The following MACROD2 variants were observed in gnomAD, a reference collection of about 807,000 sequenced individuals.
The protein encoded by MACROD2 is mono-ADP ribosylhydrolase 2.
A neutral mutation model predicts 70.4 loss-of-function variants in MACROD2; 36 were observed. The ratio of observed to expected loss-of-function variants is 0.51; its 90% CI spans 0.39 to 0.68. The LOEUF is 0.68. Ranked by LOEUF, MACROD2 falls within the 30% of genes least tolerant of loss-of-function variation. The pLI, the probability that MACROD2 is intolerant of heterozygous loss-of-function variation, is 0.00. For missense variants in MACROD2, 496 were observed against 538.4 expected, an observed-to-expected ratio of 0.92 and a Z score of 0.78; for synonymous variants, 172 against 178.8, an observed-to-expected ratio of 0.96 and a Z score of 0.30.
intron 4 of MACROD2, among the ~76,000 whole-genome samples, chr20:14,499,477 G>A (rs2084892600): frequency 6.6e-6 from 1 of 152,004 alleles, no homozygotes; most frequent in African/African-American, 2.4e-5. Flanking sequence ...AGGCTGCAGT[G>A]AGCCGTGATC....
chr20:14,699,577 G>A (rs1217147150), intron 5 of MACROD2, among the ~76,000 whole-genome samples: 1 of 152,166 alleles, frequency 6.6e-6, no homozygotes, highest in African/African-American at 2.4e-5. Flanking sequence ...TAGTCAGGGA[G>A]ATAATATTAA....
At chr20:15,543,446 C>T (rs2047984741) in intron 8 of MACROD2, among the ~76,000 whole-genome samples, 1 of 152,192 alleles carries the variant, frequency 6.6e-6, no homozygotes, top group African/African-American at 2.4e-5. Flanking sequence ...ATCAAGGTTT[C>T]AGTGCCACAA....
At chr20:15,650,883 T>C (rs1298888061) in intron 8 of MACROD2, among the ~76,000 whole-genome samples, 1 of 152,194 alleles carries the variant, frequency 6.6e-6, no homozygotes, top group Admixed American at 6.6e-5. Flanking sequence ...TTATTGACCA[T>C]GTTGGTGTCA....
At chr20:14,317,659 A>T (rs1047272795) in intron 3 of MACROD2, among the ~76,000 whole-genome samples, 1 of 151,326 alleles carries the variant, frequency 6.6e-6, no homozygotes, top group Non-Finnish European at 1.5e-5. Flanking sequence ...TCCTCCCCCA[A>T]CCATAATCTT....
chr20:14,110,106 A>G (rs2054428648), intron 3 of MACROD2, among the ~76,000 whole-genome samples: 1 of 152,020 alleles, frequency 6.6e-6, no homozygotes, highest in East Asian at 1.9e-4. Flanking sequence ...CATTATATCT[A>G]TGGAATGAAA....
intron 15 of MACROD2, among the ~76,000 whole-genome samples, chr20:16,019,510 C>CTT (rs897513541): frequency 5.3e-5 from 8 of 152,176 alleles, no homozygotes; most frequent in African/African-American, 1.7e-4. Flanking sequence ...ACTTTCCTTG[C>CTT]TTGCTTCATA....
At chr20:16,049,223 T>A (rs1045612500) in intron 17 of MACROD2, among the ~76,000 whole-genome samples, 6 of 152,142 alleles carry the variant, frequency 3.9e-5, no homozygotes, top group African/African-American at 1.4e-4. Context: ...GTGGGTTTAA[T>A]GTATGCATTT....
chr20:15,062,718 ACAGTGAACAAAG>A (rs1465679184), intron 5 of MACROD2, among the ~76,000 whole-genome samples: 1 of 152,238 alleles, frequency 6.6e-6, no homozygotes, highest in African/African-American at 2.4e-5. Context: ...TAGGCACACA[ACAGTGAACAAAG>A]CAGATCAAGT....
chr20:14,926,003 A>T (rs924160866), intron 5 of MACROD2, among the ~76,000 whole-genome samples: 4 of 152,200 alleles, frequency 2.6e-5, no homozygotes, highest in Admixed American at 6.5e-5. Flanking sequence ...TTACTCCATG[A>T]ATTTAGGCAA....
At chr20:15,616,703 A>C (rs2049044442) in intron 8 of MACROD2, among the ~76,000 whole-genome samples, 1 of 152,112 alleles carries the variant, frequency 6.6e-6, no homozygotes. Context: ...GCCTCTATAC[A>C]ATCTTCTCTA....
At chr20:14,776,721 A>G (rs2072238993) in intron 5 of MACROD2, among the ~76,000 whole-genome samples, 1 of 152,098 alleles carries the variant, frequency 6.6e-6, no homozygotes, top group Non-Finnish European at 1.5e-5. Context: ...AGCATAATAT[A>G]CATATTGGAA....
chr20:14,131,306 T>A lies in MACROD2; in HGVS notation c.271+45578T>A, dbSNP rs764193320. On this transcript the variant is annotated intron_variant, in intron 3 of 17. Coordinates refer to ENST00000684519, the MANE Select transcript of MACROD2 (RefSeq NM_001351661.2). ...AAGTGGAAACATGTTACAAATGAAA[T>A]TTTTTTTTATTTCTCTTATTTAAAA... 2.7e-5 allele frequency among the ~76,000 whole-genome samples: 4 copies of A among 145,834 alleles called. No individual in the cohort carries two copies. The East Asian group carries it at 5.8e-4, about 21-fold the overall frequency.
intron 8 of MACROD2, among the ~76,000 whole-genome samples, chr20:15,860,107 C>T (rs1297949705): frequency 1.3e-5 from 2 of 152,072 alleles, no homozygotes; most frequent in East Asian, 3.9e-4. Flanking sequence ...TGCCCTCCAA[C>T]CTGGGCAGCA....
At chr20:14,465,731 G>C (rs972077205) in intron 3 of MACROD2, among the ~76,000 whole-genome samples, 1 of 152,032 alleles carries the variant, frequency 6.6e-6, no homozygotes, top group African/African-American at 2.4e-5. Context: ...CAGGCCTAGT[G>C]GTGACAAAAT....
chr20:14,713,130 T>G (rs1255115662), intron 5 of MACROD2, among the ~76,000 whole-genome samples: 1 of 152,080 alleles, frequency 6.6e-6, no homozygotes, highest in East Asian at 1.9e-4. Context: ...TGTGAATGAG[T>G]GTGAAAATGC....
At chr20:15,525,423 T>G (rs934454039) in intron 8 of MACROD2, among the ~76,000 whole-genome samples, 1 of 152,154 alleles carries the variant, frequency 6.6e-6, no homozygotes, top group African/African-American at 2.4e-5. Context: ...GTATGTCCAG[T>G]GTAGGCAAAA....
At chr20:15,811,362 G>A (rs2063819904) in intron 8 of MACROD2, among the ~76,000 whole-genome samples, 1 of 151,940 alleles carries the variant, frequency 6.6e-6, no homozygotes, top group Admixed American at 6.6e-5. Flanking sequence ...GGCCATCAGA[G>A]AAATGCAAAT....
chr20:14,413,229 G>T (rs139782968), intron 3 of MACROD2, among the ~76,000 whole-genome samples: 4 of 148,770 alleles, frequency 2.7e-5, no homozygotes, highest in Non-Finnish European at 5.9e-5. Flanking sequence ...ATGTACGTGC[G>T]TGTGTACCTA....
intron 5 of MACROD2, among the ~76,000 whole-genome samples, chr20:15,048,383 C>T (rs1246255473): frequency 6.6e-6 from 1 of 151,928 alleles, no homozygotes; most frequent in Non-Finnish European, 1.5e-5. Context: ...GACAGATACA[C>T]TTGGTGTGAT....
Sources: allele counts gnomAD v4.1 joint callset (sites outside exome capture counted in the v4.1 genomes callset), GRCh38; gene constraint gnomAD v4.1.1; transcripts MANE v1.5; gene names NCBI Gene and HGNC (gene_info 2026-07-23, HGNC 2026-07-21).